The following CFAP263 variants were observed in gnomAD, a reference collection of about 807,000 sequenced individuals.
CFAP263 encodes cilia- and flagella-associated protein 263.
chr16:58,260,527 C>T, the CFAP263 span, among the ~76,000 whole-genome samples: 1 of 152,158 alleles, frequency 6.6e-6, no homozygotes, highest in Non-Finnish European at 1.5e-5. Context: ...ATTTAAAAGA[C>T]CCTCAAGACA....
the CFAP263 span, among the ~76,000 whole-genome samples, chr16:58,274,392 G>A: frequency 0.14 from 21,773 of 152,110 alleles, 1,680 homozygotes; most frequent in East Asian, 0.2. Context: ...GAGTCCCCTT[G>A]GGCAGCATTC....
At chr16:58,260,773 T>C in the CFAP263 span, among the ~76,000 whole-genome samples, 1 of 152,140 alleles carries the variant, frequency 6.6e-6, no homozygotes, top group Non-Finnish European at 1.5e-5. Flanking sequence ...AGAATTAACA[T>C]GTTGGGGGAC....
the CFAP263 span, among the ~76,000 whole-genome samples, chr16:58,265,600 C>T: frequency 1.3e-3 from 201 of 151,258 alleles, no homozygotes; most frequent in Middle Eastern, 0.038. Flanking sequence ...CAGCTCTGGG[C>T]GGACACCTTG....
chr16:58,264,685 A>C, the CFAP263 span, among the ~76,000 whole-genome samples: 1 of 152,038 alleles, frequency 6.6e-6, no homozygotes, highest in Non-Finnish European at 1.5e-5. Flanking sequence ...CTTAGCCAAT[A>C]TTGTCGAATG....
the CFAP263 span, among the ~76,000 whole-genome samples, chr16:58,273,296 C>T: frequency 1.9e-4 from 29 of 152,262 alleles, 1 homozygote; most frequent in African/African-American, 6.7e-4. Flanking sequence ...TCTTTTCTCT[C>T]TCTGTTACTC....
the CFAP263 span, chr16:58,252,719 T>C: frequency 6.2e-7 from 1 of 1,612,532 alleles, no homozygotes; most frequent in Admixed American, 1.7e-5. Flanking sequence ...AGGTACCCTG[T>C]CTTGCAGCTA....
the CFAP263 span, chr16:58,280,697 C>G: frequency 6.2e-7 from 1 of 1,614,160 alleles, no homozygotes; most frequent in Non-Finnish European, 8.5e-7. Context: ...TTCAGGACTC[C>G]TCTCAGAACC....
the CFAP263 span, chr16:58,249,936 G>T: frequency 7.3e-6 from 7 of 957,054 alleles, no homozygotes; most frequent in South Asian, 9.8e-5. Flanking sequence ...CCACCGCGTC[G>T]CAGCCGGAGT....
chr16:58,254,016 T>C, the CFAP263 span: 1 of 1,614,180 alleles, frequency 6.2e-7, no homozygotes, highest in Non-Finnish European at 8.5e-7. Flanking sequence ...CAGGCGTAGA[T>C]CCAAATCCCG....
At chr16:58,264,446 G>T in the CFAP263 span, among the ~76,000 whole-genome samples, 1 of 152,218 alleles carries the variant, frequency 6.6e-6, no homozygotes, top group Non-Finnish European at 1.5e-5. Context: ...CAGCAGCGCA[G>T]GCCACAGTGG....
At chr16:58,252,903 G>T in the CFAP263 span, 1 of 1,592,898 alleles carries the variant, frequency 6.3e-7, no homozygotes, top group Non-Finnish European at 8.6e-7. Context: ...CACCTTAAAT[G>T]CAAGTGGTAT....
the CFAP263 span, among the ~76,000 whole-genome samples, chr16:58,279,139 C>T: frequency 1.3e-4 from 20 of 152,104 alleles, no homozygotes; most frequent in Admixed American, 3.9e-4. Flanking sequence ...CTGTGAGCTG[C>T]GGGAGATAAA....
At chr16:58,252,712 T>C in the CFAP263 span, 1 of 1,611,268 alleles carries the variant, frequency 6.2e-7, no homozygotes, top group Non-Finnish European at 8.5e-7. Context: ...CTTACTCAGG[T>C]ACCCTGTCTT....
At chr16:58,282,009 A>ATT in the CFAP263 span, 2,037 of 131,084 alleles carry the variant, frequency 0.016, 58 homozygotes, top group African/African-American at 0.035. Flanking sequence ...TGCCCAGCTA[A>ATT]TTTTTTTTTT....
At chr16:58,275,203 C>T in the CFAP263 span, among the ~76,000 whole-genome samples, 1 of 151,992 alleles carries the variant, frequency 6.6e-6, no homozygotes. Context: ...ATGGAAGGTG[C>T]AAACCAATTA....
chr16:58,283,749 G>C, the CFAP263 span: 2 of 152,198 alleles, frequency 1.3e-5, no homozygotes, highest in Non-Finnish European at 2.9e-5. Flanking sequence ...GCACTCAATA[G>C]ATGTTACACC....
the CFAP263 span, among the ~76,000 whole-genome samples, chr16:58,250,782 A>G: frequency 6.6e-6 from 1 of 151,262 alleles, no homozygotes; most frequent in Non-Finnish European, 1.5e-5. Context: ...AAAAAAAAAA[A>G]AATTATATGA....
chr16:58,267,755 G>C, the CFAP263 span, among the ~76,000 whole-genome samples: 1 of 152,038 alleles, frequency 6.6e-6, no homozygotes, highest in Admixed American at 6.5e-5. Context: ...GGCACCTGGA[G>C]ACCTACAGTC....
the CFAP263 span, among the ~76,000 whole-genome samples, chr16:58,269,449 GAAAGA>G: frequency 8.0e-5 from 12 of 150,706 alleles, no homozygotes; most frequent in East Asian, 3.9e-4. Flanking sequence ...AGGAAGGAAG[GAAAGA>G]AAAGAAAAGA....
Sources: gnomAD v4.1 joint callset for allele counts (sites outside exome capture counted in the v4.1 genomes callset) on GRCh38, gnomAD v4.1.1 for gene constraint, MANE v1.5 for transcripts, NCBI Gene and HGNC (gene_info 2026-07-23, HGNC 2026-07-21) for gene names.